The following VPS13C variants were observed in gnomAD, a reference collection of about 807,000 sequenced individuals.
The protein encoded by VPS13C is vacuolar protein sorting 13 homolog C.
Under a neutral mutation model 456.8 loss-of-function variants are expected in VPS13C, and 358 were observed. The ratio of observed to expected loss-of-function variants is 0.78; its 90% CI spans 0.72 to 0.86. The LOEUF (loss-of-function observed/expected upper bound fraction) is 0.86. Ranked by LOEUF, VPS13C falls within the 40% of genes least tolerant of loss-of-function variation. The pLI is 0.00. For missense variants in VPS13C, 4,818 were observed against 4,385.4 expected (o/e 1.10, Z -2.79); for synonymous variants, 1,578 against 1,486.7 (o/e 1.06, Z -1.41).
At position 61,978,763 on chromosome 15, in the gene VPS13C, C is replaced by T. The variant is rs747758192; in HGVS notation, c.2167-14G>A. On this transcript the variant is annotated splice_polypyrimidine_tract_variant and intron_variant, in intron 22 of 84. Transcript: ENST00000644861. ...TTTACTGTTGAGCTAAAATGAAGGA[C>T]AAATTTCAATTTTTTTTTCCAAAAC... The T allele has an allele frequency of 1.9e-6, 3 of 1,567,566 alleles. No homozygotes were observed. The highest frequency in any genetic ancestry group is 1.2e-5 in the South Asian group (1 of 82,482).
chr15:61,977,287 T>C (rs1047520658), intron 23 of VPS13C, 88 bp from the exon 24 acceptor site: 1 of 807,340 alleles, frequency 1.2e-6, no homozygotes, highest in Non-Finnish European at 1.8e-6. Flanking sequence ...AATATTATTT[T>C]AAATTGTCAG....
At chr15:61,911,229 C>T (rs1566992737) in intron 63 of VPS13C, among the ~76,000 whole-genome samples, 1 of 152,170 alleles carries the variant, frequency 6.6e-6, no homozygotes, top group Non-Finnish European at 1.5e-5. Context: ...ATTTGCTTCA[C>T]CTCCTCTAAT....
chr15:61,900,064 C>G (rs554868774), intron 66 of VPS13C, among the ~76,000 whole-genome samples: 97 of 152,192 alleles, frequency 6.4e-4, no homozygotes, highest in East Asian at 3.9e-4. Context: ...ATTCAACAAC[C>G]CTTCATGCTA....
chr15:61,890,491 TAAG>T, intron 66 of VPS13C, 91 bp from the exon 67 acceptor site: 6 of 1,104,368 alleles, frequency 5.4e-6, no homozygotes. Flanking sequence ...TAGAAAAGTT[TAAG>T]AAGCACTACT....
chr15:61,874,954 G>A lies in VPS13C; in HGVS notation c.10339-3C>T. 1.3e-6 allele frequency: 2 copies of A among 1,536,316 alleles called. No individual in the cohort carries two copies. Among genetic ancestry groups the A allele is most frequent in the Admixed American group, 2.3e-5 (1 of 44,056 alleles). On this transcript the variant is annotated splice_region_variant and splice_polypyrimidine_tract_variant and intron_variant, in intron 76 of 84. Coordinates refer to ENST00000644861, the MANE Select transcript of VPS13C (RefSeq NM_020821.3). ...TCTTCAGGGCCTTGAACAGCACCCTGGCAAAAAAAAATAAAAAATAATCTT... is the reference window on the plus strand; with the variant it reads ...TCTTCAGGGCCTTGAACAGCACCCTAGCAAAAAAAAATAAAAAATAATCTT...
chr15:61,922,066 C>G, intron 54 of VPS13C, 33 bp from the exon 55 acceptor site: 1 of 1,597,768 alleles, frequency 6.3e-7, no homozygotes, highest in Non-Finnish European at 8.6e-7. Context: ...ATAAGACAGT[C>G]CTTTGGCTTT....
At chr15:61,880,024 G>A (rs1895731144) in intron 73 of VPS13C, among the ~76,000 whole-genome samples, 2 of 152,068 alleles carry the variant, frequency 1.3e-5, no homozygotes, top group South Asian at 2.1e-4. Flanking sequence ...CAAGTTTAGA[G>A]CATTATGGTT....
chr15:61,949,545 A>T lies in VPS13C; in HGVS notation c.4657T>A (p.Phe1553Ile). The change falls in exon 42 of 85, where the codon TTT becomes ATT. Residue 1553 changes from phenylalanine (F) to isoleucine (I), a missense_variant. Coordinates refer to ENST00000644861, the MANE Select transcript of VPS13C (RefSeq NM_020821.3). ...HLEALLSFMDFLSSAAPFSEP... is the reference protein window; with the variant it reads ...HLEALLSFMDILSSAAPFSEP... ...GAGAATGGAGCAGCAGATGATAAAA[A>T]ATCCATGAAGGAAAGTAAAGCTTCC... 6.2e-7 allele frequency: 1 copy of T among 1,613,046 alleles called. No homozygotes were observed. Among genetic ancestry groups the T allele is most frequent in the Admixed American group, 1.7e-5 (1 of 59,752 alleles).
rs752924024 is a variant in VPS13C at position 61,915,913 on chromosome 15, T to G, written c.8165A>C (p.Asn2722Thr). ...ELVLVKYQGK[N>T]WNGHFRIRDT... is the part of the protein sequence containing the mutation. Reference sequence around the variant, plus strand: ...ACGTATGCGGAAATGTCCATTCCAGTTTTTGCCCTGGTATTTCACCAGGAC... The same window carrying G: ...ACGTATGCGGAAATGTCCATTCCAGGTTTTGCCCTGGTATTTCACCAGGAC... The change falls in exon 61 of 85, where the codon AAC becomes ACC. Residue 2722 changes from asparagine to threonine, a missense_variant. Transcript: ENST00000644861. 1 of 1,613,920 alleles carries G rather than the reference T, an allele frequency of 6.2e-7. No homozygotes were observed. The highest frequency in any genetic ancestry group is 8.5e-7 in the Non-Finnish European group (1 of 1,179,988).
chr15:62,009,245 C>T (rs1302489192), intron 13 of VPS13C, among the ~76,000 whole-genome samples: 4 of 151,884 alleles, frequency 2.6e-5, no homozygotes, highest in Non-Finnish European at 4.4e-5. Context: ...ACCAAAGCAA[C>T]ATAAAGCTAT....
At chr15:61,912,303 T>G (rs540079268) in intron 62 of VPS13C, among the ~76,000 whole-genome samples, 1 of 152,190 alleles carries the variant, frequency 6.6e-6, no homozygotes, top group Non-Finnish European at 1.5e-5. Flanking sequence ...ATAAATTGCT[T>G]TATAATTAGT....
At chr15:62,047,180 C>G (rs957519353) in intron 1 of VPS13C, among the ~76,000 whole-genome samples, 8 of 151,822 alleles carry the variant, frequency 5.3e-5, no homozygotes, top group Non-Finnish European at 1.2e-4. Flanking sequence ...AATCCCAGCA[C>G]TTTGAGAGGC....
chr15:61,877,748 A>AT (rs1895556833), intron 74 of VPS13C, among the ~76,000 whole-genome samples: 1 of 151,948 alleles, frequency 6.6e-6, no homozygotes, highest in Admixed American at 6.6e-5. Flanking sequence ...ATTAAATAGG[A>AT]TTTTAAAATA....
intron 49 of VPS13C, among the ~76,000 whole-genome samples, chr15:61,933,916 A>T (rs1161161665): frequency 6.6e-6 from 1 of 152,034 alleles, no homozygotes; most frequent in Non-Finnish European, 1.5e-5. Context: ...ATAAAACTGT[A>T]TATATAATTA....
chr15:61,946,661 C>T (rs2044616124), intron 43 of VPS13C, among the ~76,000 whole-genome samples: 1 of 150,060 alleles, frequency 6.7e-6, no homozygotes, highest in South Asian at 2.1e-4. Context: ...AAAAAAAAAC[C>T]CACCAAGTTT....
chr15:61,977,707 G>C (rs1035344997), intron 23 of VPS13C, among the ~76,000 whole-genome samples: 1 of 151,802 alleles, frequency 6.6e-6, no homozygotes, highest in Non-Finnish European at 1.5e-5. Context: ...TTCAAATAAG[G>C]TCCCAAAAAC....
chr15:62,043,330 C>T (rs2048300428), intron 2 of VPS13C, among the ~76,000 whole-genome samples: 3 of 152,154 alleles, frequency 2.0e-5, no homozygotes, highest in Admixed American at 6.5e-5. Flanking sequence ...TTAGGCTGGG[C>T]GCAGTGGCTC....
At chr15:61,933,876 G>A (rs980021741) in intron 49 of VPS13C, among the ~76,000 whole-genome samples, 15 of 151,670 alleles carry the variant, frequency 9.9e-5, no homozygotes, top group African/African-American at 2.7e-4. Context: ...TTCTTAAGTC[G>A]TTATATATAC....
chr15:61,969,123 T>G (rs1453399698), intron 28 of VPS13C, among the ~76,000 whole-genome samples, 176 bp downstream of exon 28: 1 of 152,124 alleles, frequency 6.6e-6, no homozygotes, highest in Non-Finnish European at 1.5e-5. Context: ...AACCATAGAT[T>G]ATAACACTGC....
Sources: allele counts gnomAD v4.1 joint callset (sites outside exome capture counted in the v4.1 genomes callset), GRCh38; gene constraint gnomAD v4.1.1; transcripts MANE v1.5; gene names NCBI Gene and HGNC (gene_info 2026-07-23, HGNC 2026-07-21).